The following KAT14 variants were observed in gnomAD, a reference collection of about 807,000 sequenced individuals.
KAT14 encodes lysine acetyltransferase 14.
KAT14 carries 66 observed loss-of-function variants against 78.4 expected under a neutral mutation model. That is an observed-to-expected ratio of 0.84 (90% CI 0.69 to 1.03). The LOEUF is 1.03. KAT14 is among the 50% of genes least tolerant of loss of function. The probability of loss-of-function intolerance (pLI) is 0.00; values close to 1 mark genes in which losing one functional copy is unlikely to be tolerated. For missense variants in KAT14, 870 were observed against 972.5 expected, an observed-to-expected ratio of 0.89 and a Z score of 1.40; for synonymous variants, 344 against 359.4, an observed-to-expected ratio of 0.96 and a Z score of 0.48.
intron 1 of KAT14, among the ~76,000 whole-genome samples, chr20:18,139,032 T>G (rs1286906476): frequency 6.6e-6 from 1 of 152,176 alleles, no homozygotes; most frequent in Non-Finnish European, 1.5e-5. Flanking sequence ...CTTTTCTTGA[T>G]TTGCCTACCC....
rs187798618 is a variant in KAT14, at chr20:18,154,329, T to G, written c.500+3387T>G. On this transcript the variant is annotated intron_variant, in intron 4 of 10. Transcript: ENST00000688188. The stretch of plus-strand genomic sequence containing the variant: ...TTTATTTACTTACTTACTTATTTTT[T>G]TGAGACGGAGTCCTGCTCTGTCGTC... Among the ~76,000 whole-genome samples the G allele has an allele frequency of 5.6e-3, 847 of 152,358 alleles. 3 individuals are homozygous for G. The highest frequency in any genetic ancestry group is 9.1e-3 in the South Asian group (44 of 4,832).
At chr20:18,184,142 C>G (rs941146096) in intron 9 of KAT14, among the ~76,000 whole-genome samples, 1 of 152,156 alleles carries the variant, frequency 6.6e-6, no homozygotes, top group South Asian at 2.1e-4. Context: ...TGAAAGGTAG[C>G]ATTTGTACAA....
rs2038502062 is a variant in KAT14, at chr20:18,162,931, C to T, written c.1654C>T (p.Leu552Phe). The part of the protein sequence containing the change: ...YRTTCQDFRI[L>F]DRYQTSLPSR... ...AACCACCTGTCAGGACTTCAGAATCCTTGACCGATACCAGGTGAATGCAAG... is the reference window on the plus strand; with the variant it reads ...AACCACCTGTCAGGACTTCAGAATCTTTGACCGATACCAGGTGAATGCAAG... Residue 552 changes from leucine (L) to phenylalanine (F), a missense_variant, in exon 7 of 11, where the codon CTT (leucine) becomes TTT (phenylalanine). Physicochemically the swap from Leu to Phe is conservative, Grantham distance 22. Transcript: ENST00000688188. 1.2e-6 allele frequency: 2 copies of T among 1,613,806 alleles called. No homozygotes were observed. Among genetic ancestry groups the T allele is most frequent in the Non-Finnish European group, 1.7e-6 (2 of 1,179,894 alleles).
At chr20:18,163,125 T>G (rs977980407) in intron 7 of KAT14, among the ~76,000 whole-genome samples, 180 bp downstream of exon 7, 2 of 152,234 alleles carry the variant, frequency 1.3e-5, no homozygotes, top group African/African-American at 2.4e-5. Context: ...TCAGAATTGT[T>G]CATTGTAAGT....
rs759811223 is a variant in KAT14, at chr20:18,150,842, AACTTGTCTCTG to A, written c.401_411del (p.Asn134ArgfsTer20). On this transcript the variant is annotated frameshift_variant, in exon 4 of 11. Coordinates refer to ENST00000688188, the MANE Select transcript of KAT14 (RefSeq NM_001392073.1). LOFTEE classifies it high-confidence loss of function. ...TCAGGTCGTCATGTTGGCAATGTAC[AACTTGTCTCTG>A]GAAGGAAGTGGACGTCAAGGTTATT... The A allele has an allele frequency of 2.3e-5, 37 of 1,614,032 alleles. No homozygotes were observed. The highest frequency in any genetic ancestry group is 2.9e-5 in the Non-Finnish European group (34 of 1,180,034).
At position 18,142,792 on chromosome 20, in the gene KAT14, T is replaced by A. The variant is rs775461065; in HGVS notation, c.132T>A (p.Asp44Glu). ...GETLLIVESE[D>E]QASVDLSHDQ... ...CGCTCCTGATCGTCGAATCCGAGGA[T>A]CAGGCATCAGTGGACTTATCGCACG... The change falls in exon 2 of 11, where the codon GAT (aspartate) becomes GAA (glutamate). Residue 44 changes from aspartate to glutamate, a missense_variant. Transcript: ENST00000688188. The A allele has an allele frequency of 6.2e-7, 1 of 1,614,118 alleles. No individual in the cohort carries two copies. The highest frequency in any genetic ancestry group is 2.2e-5 in the East Asian group (1 of 44,874).
Position 18,162,756 on chromosome 20 carries a change from A to G in KAT14, c.1479A>G (p.Lys493=). 1 of 1,614,206 alleles carries G rather than the reference A, an allele frequency of 6.2e-7. No individual in the cohort carries two copies. The highest frequency in any genetic ancestry group is 8.5e-7 in the Non-Finnish European group (1 of 1,180,046). Residue 493 remains lysine (K), a synonymous_variant, in exon 7 of 11, where the codon AAA becomes AAG. Transcript: ENST00000688188. The stretch of plus-strand genomic sequence containing the variant: ...CGGAAGCTCGGAGACTGAAACGCAA[A>G]CTGATTGTCAGACAAGCGAAAAGGG... ...MTPEARRLKR[K]LIVRQAKRDR...
Position 18,181,885 on chromosome 20 carries a change from T to C in KAT14, c.1805+39T>C, listed in dbSNP as rs776585926. 2.2e-5 allele frequency: 35 copies of C among 1,607,296 alleles called. No individual in the cohort carries two copies. The Admixed American group carries it at 5.9e-4, about 27-fold the overall frequency. On this transcript the variant is annotated intron_variant, in intron 8 of 10. Coordinates refer to ENST00000688188, the MANE Select transcript of KAT14 (RefSeq NM_001392073.1). The stretch of plus-strand genomic sequence containing the variant: ...TAGAGGTGTGATGTCAGGTGTGTCA[T>C]GAGGGATAATGATTGTGGTTTCTGT...
chr20:18,172,196 G>A (rs776076662), intron 7 of KAT14, among the ~76,000 whole-genome samples: 17 of 151,044 alleles, frequency 1.1e-4, no homozygotes, highest in Non-Finnish European at 4.4e-5. Context: ...CCACCTCCTG[G>A]GTTCAAGCGA....
At chr20:18,150,791 C>A in intron 3 of KAT14, 30 bp from the exon 4 acceptor site, 1 of 1,613,724 alleles carries the variant, frequency 6.2e-7, no homozygotes, top group South Asian at 1.1e-5. Flanking sequence ...CCGTGCTGTT[C>A]TCCCACCTCT....
chr20:18,166,875 T>G (rs1398320807), intron 7 of KAT14, among the ~76,000 whole-genome samples: 1 of 152,276 alleles, frequency 6.6e-6, no homozygotes, highest in Non-Finnish European at 1.5e-5. Flanking sequence ...CACAGCCACA[T>G]TGTCTAGGTG....
In KAT14 at chr20:18,183,198, T is replaced by C; in HGVS notation, c.1881T>C (p.Pro627=). Reference sequence around the variant, plus strand: ...GTTCCCACCTGCACAGGAGCGACCCTCACTGGACGCCGGAGCCCGACGCAC... The same window carrying C: ...GTTCCCACCTGCACAGGAGCGACCCCCACTGGACGCCGGAGCCCGACGCAC... The part of the protein sequence containing the change: ...QIRSHLHRSD[P]HWTPEPDAPL... The change falls in exon 9 of 11, where the codon CCT becomes CCC. Residue 627 remains proline (P), a synonymous_variant. Coordinates refer to ENST00000688188, the MANE Select transcript of KAT14 (RefSeq NM_001392073.1). The C allele has an allele frequency of 6.2e-7, 1 of 1,614,056 alleles. No homozygotes were observed. The highest frequency in any genetic ancestry group is 8.5e-7 in the Non-Finnish European group (1 of 1,179,988).
At chr20:18,183,394 A>G in intron 9 of KAT14, 96 bp downstream of exon 9, 1 of 1,414,266 alleles carries the variant, frequency 7.1e-7, no homozygotes, top group Non-Finnish European at 9.3e-7. Flanking sequence ...TAAGATTTTT[A>G]TTTATGATTT....
chr20:18,186,292 A>G (rs1210292577), intron 10 of KAT14, among the ~76,000 whole-genome samples: 1 of 152,188 alleles, frequency 6.6e-6, no homozygotes, highest in Non-Finnish European at 1.5e-5. Flanking sequence ...GCTGGCACTC[A>G]ATGATGGCCA....
At chr20:18,150,647 TA>T (rs1263512339) in intron 3 of KAT14, among the ~76,000 whole-genome samples, 173 bp from the exon 4 acceptor site, 1 of 152,134 alleles carries the variant, frequency 6.6e-6, no homozygotes, top group Non-Finnish European at 1.5e-5. Context: ...CTAACGAAAG[TA>T]AAAAAGGAAG....
chr20:18,170,073 C>A (rs1318839429), intron 7 of KAT14, among the ~76,000 whole-genome samples: 1 of 152,194 alleles, frequency 6.6e-6, no homozygotes, highest in Non-Finnish European at 1.5e-5. Flanking sequence ...GAGGTTGGTT[C>A]ATGAGGTTTA....
intron 7 of KAT14, among the ~76,000 whole-genome samples, chr20:18,179,282 TCTTC>T (rs1358233013): frequency 6.6e-6 from 1 of 152,196 alleles, no homozygotes; most frequent in Admixed American, 6.5e-5. Context: ...ACGGTGGCCC[TCTTC>T]TCACAGCTAG....
intron 7 of KAT14, among the ~76,000 whole-genome samples, chr20:18,169,464 G>A (rs2038772777): frequency 6.6e-6 from 1 of 152,082 alleles, no homozygotes; most frequent in Non-Finnish European, 1.5e-5. Context: ...TTTTATGGTG[G>A]TCTGTGATCA....
At position 18,162,739 on chromosome 20, in the gene KAT14, C is replaced by T. The variant is rs1203977235; in HGVS notation, c.1462C>T (p.Arg488Trp). 2.5e-6 allele frequency: 4 copies of T among 1,614,052 alleles called. No individual in the cohort carries two copies. The African/African-American group carries it at 4.0e-5, about 16-fold the overall frequency. The change falls in exon 7 of 11, where the codon CGG (arginine) becomes TGG (tryptophan). Residue 488 changes from arginine (R) to tryptophan (W), a missense_variant. Arg to Trp is a moderately radical substitution (Grantham distance 101). Coordinates refer to ENST00000688188, the MANE Select transcript of KAT14 (RefSeq NM_001392073.1). The part of the protein sequence containing the change: ...PGAVAMTPEA[R>W]RLKRKLIVRQ... Reference sequence around the variant, plus strand: ...TGCTGTTGCCATGACTCCGGAAGCTCGGAGACTGAAACGCAAACTGATTGT... The same window carrying T: ...TGCTGTTGCCATGACTCCGGAAGCTTGGAGACTGAAACGCAAACTGATTGT...
Sources: allele counts gnomAD v4.1 joint callset (sites outside exome capture counted in the v4.1 genomes callset), GRCh38; gene constraint gnomAD v4.1.1; transcripts MANE v1.5; gene names NCBI Gene and HGNC (gene_info 2026-07-23, HGNC 2026-07-21).